CDKL5: variants seen among roughly 807,000 people sequenced by gnomAD.
The protein encoded by CDKL5 is cyclin dependent kinase like 5.
A neutral mutation model predicts 61.7 loss-of-function variants in CDKL5; 8 were observed. The observed-to-expected ratio is 0.13, with a 90% confidence interval of 0.08 to 0.23. CDKL5 has a LOEUF of 0.23. Ranked by LOEUF, CDKL5 falls within the 10% of genes least tolerant of loss-of-function variation. The pLI is 1.00. For missense variants in CDKL5, 440 were observed against 734.5 expected (o/e 0.60, Z 4.63); for synonymous variants, 275 against 272.3 (o/e 1.01, Z -0.10).
chrX:18,489,107 C>G (rs868579334), intron 1 of CDKL5, among the ~76,000 whole-genome samples: 5 of 111,110 alleles, frequency 4.5e-5, no homozygotes, highest in South Asian at 3.8e-4. Flanking sequence ...AGAATACTGT[C>G]TGGCACCTTT....
intron 16 of CDKL5, among the ~76,000 whole-genome samples, chrX:18,624,832 T>C (rs1926987687): frequency 8.9e-6 from 1 of 111,893 alleles, no homozygotes; most frequent in African/African-American, 3.3e-5. Flanking sequence ...AACTGCTCTC[T>C]CTTACAGCGA....
At chrX:18,459,446 C>T (rs1246663731) in intron 1 of CDKL5, among the ~76,000 whole-genome samples, 1 of 109,080 alleles carries the variant, frequency 9.2e-6, no homozygotes, top group Non-Finnish European at 1.9e-5. Context: ...ACTGTAATCC[C>T]AGCTACTCGG....
Position 18,577,548 on chromosome X carries a change from A to T in CDKL5, c.282+2058A>T, listed in dbSNP as rs184124940. Among the ~76,000 whole-genome samples the T allele has an allele frequency of 3.2e-4, 36 of 112,503 alleles. No individual in the cohort carries two copies. The Admixed American group carries it at 3.3e-3, about 10-fold the overall frequency. On this transcript the variant is annotated intron_variant, in intron 5 of 17. Transcript: ENST00000623535. ...CATATAAATACAAAGGTAGGGCAGT[A>T]CAGGACTAGTGTGGCAGCTCTGCTC...
chrX:18,564,230 C>T (rs895507646), intron 3 of CDKL5, among the ~76,000 whole-genome samples: 8 of 111,484 alleles, frequency 7.2e-5, no homozygotes, highest in Non-Finnish European at 1.5e-4. Flanking sequence ...CATATTCTGT[C>T]ACCATATCTG....
intron 3 of CDKL5, among the ~76,000 whole-genome samples, chrX:18,545,139 G>A (rs181411178): frequency 9.1e-6 from 1 of 110,488 alleles, no homozygotes; most frequent in East Asian, 2.9e-4. Flanking sequence ...AGAGGATAAG[G>A]TGGGAGGATC....
intron 1 of CDKL5, among the ~76,000 whole-genome samples, chrX:18,455,596 G>T (rs761503094): frequency 2.7e-4 from 30 of 112,900 alleles, no homozygotes; most frequent in African/African-American, 9.3e-4. Context: ...ACTGTTAAGA[G>T]GCCTGCTGGA....
At chrX:18,576,500 C>T (rs899633443) in intron 5 of CDKL5, among the ~76,000 whole-genome samples, 1 of 111,204 alleles carries the variant, frequency 9.0e-6, no homozygotes, top group African/African-American at 3.3e-5. Flanking sequence ...TACCCAGGTG[C>T]TTGCTATACC....
At chrX:18,540,364 A>T (rs776755468) in intron 3 of CDKL5, among the ~76,000 whole-genome samples, 1 of 110,802 alleles carries the variant, frequency 9.0e-6, no homozygotes, top group Admixed American at 9.6e-5. Context: ...TTTGGTATAG[A>T]TAGGGTTTTG....
intron 6 of CDKL5, among the ~76,000 whole-genome samples, chrX:18,580,578 C>T (rs1438030642): frequency 9.0e-6 from 1 of 111,549 alleles, no homozygotes; most frequent in Non-Finnish European, 1.9e-5. Context: ...TCCTTTACTG[C>T]CATGAAGTGG....
Position 18,621,838 on chromosome X carries a change from T to A in CDKL5, c.2376+1872T>A, listed in dbSNP as rs143449677. On this transcript the variant is annotated intron_variant, in intron 16 of 17. Coordinates refer to ENST00000623535, the MANE Select transcript of CDKL5 (RefSeq NM_001323289.2). Reference sequence around the variant, plus strand: ...AACTGGGTGAACAAATAGACCTGATTTAACATAGGAATACTTAAAATGTTT... The same window carrying A: ...AACTGGGTGAACAAATAGACCTGATATAACATAGGAATACTTAAAATGTTT... Among the ~76,000 whole-genome samples the A allele has an allele frequency of 6.6e-3, 743 of 112,105 alleles. 8 individuals carry two copies. Among genetic ancestry groups the A allele is most frequent in the African/African-American group, 0.022 (694 of 30,897 alleles).
intron 3 of CDKL5, among the ~76,000 whole-genome samples, chrX:18,527,320 T>C (rs1767039586): frequency 8.9e-6 from 1 of 112,122 alleles, no homozygotes; most frequent in Admixed American, 9.5e-5. Context: ...ATAATTGGTA[T>C]AATTTCTTAA....
At chrX:18,620,442 C>G (rs762953901) in intron 16 of CDKL5, among the ~76,000 whole-genome samples, 55 of 111,981 alleles carry the variant, frequency 4.9e-4, no homozygotes, top group African/African-American at 1.7e-3. Context: ...TCACAAAGAT[C>G]GTATCTGGGA....
In CDKL5 at chrX:18,634,106, C is replaced by T; in HGVS notation, c.*5349C>T. Reference sequence around the variant, plus strand: ...CCCATTTGATCCTTGGTTCCTATTTCGATCCTCCTTTGGAATCTGAAAATC... The same window carrying T: ...CCCATTTGATCCTTGGTTCCTATTTTGATCCTCCTTTGGAATCTGAAAATC... On this transcript the variant is annotated 3_prime_UTR_variant, in exon 18 of 18. Transcript: ENST00000623535. 1.3e-6 allele frequency: 1 copy of T among 753,747 alleles called. No individual in the cohort carries two copies. Among genetic ancestry groups the T allele is most frequent in the Middle Eastern group, 7.6e-4 (1 of 1,322 alleles). The allele number at this position is 753,747 out of a possible 1,213,427, so 62.1% of individuals were successfully genotyped here. A position where few individuals can be genotyped will look rare whatever the true frequency, so the allele number is the denominator to read the frequency against.
chrX:18,566,936 T>A (rs1924989207), intron 4 of CDKL5, among the ~76,000 whole-genome samples: 1 of 111,447 alleles, frequency 9.0e-6, no homozygotes, highest in African/African-American at 3.3e-5. Flanking sequence ...CCACCCCACC[T>A]TGTCAATGAC....
At chrX:18,574,609 G>T (rs761409044) in intron 4 of CDKL5, among the ~76,000 whole-genome samples, 1 of 111,842 alleles carries the variant, frequency 8.9e-6, no homozygotes, top group South Asian at 3.8e-4. Flanking sequence ...AGATTATCAT[G>T]AATGAAGTTG....
intron 1 of CDKL5, among the ~76,000 whole-genome samples, chrX:18,431,407 T>G (rs1931483382): frequency 9.1e-6 from 1 of 110,006 alleles, no homozygotes; most frequent in African/African-American, 3.3e-5. Context: ...GTGTGTTAAT[T>G]TTGTTGATTT....
chrX:18,571,304 G>A (rs923061371), intron 4 of CDKL5, among the ~76,000 whole-genome samples: 3 of 111,309 alleles, frequency 2.7e-5, no homozygotes, highest in Non-Finnish European at 5.7e-5. Flanking sequence ...TCACTGTATT[G>A]TATACTATGC....
chrX:18,452,818 A>T (rs74491401), intron 1 of CDKL5, among the ~76,000 whole-genome samples: 9 of 84,210 alleles, frequency 1.1e-4, no homozygotes, highest in Non-Finnish European at 1.8e-4. Flanking sequence ...ATAGTTCTCA[A>T]GTTTTTTTTT....
intron 1 of CDKL5, among the ~76,000 whole-genome samples, chrX:18,451,737 C>T (rs1284385512): frequency 9.0e-6 from 1 of 110,520 alleles, no homozygotes; most frequent in African/African-American, 3.3e-5. Flanking sequence ...TGGGGTTTTG[C>T]CATGTTGCCC....
Sources: allele counts gnomAD v4.1 joint callset (sites outside exome capture counted in the v4.1 genomes callset), GRCh38; gene constraint gnomAD v4.1.1; transcripts MANE v1.5; gene names NCBI Gene and HGNC (gene_info 2026-07-23, HGNC 2026-07-21).